The following SERPIND1 variants were observed in gnomAD, a reference collection of about 807,000 sequenced individuals.
SERPIND1 encodes heparin cofactor 2.
SERPIND1 carries 34 observed loss-of-function variants against 35.0 expected under a neutral mutation model. That is an observed-to-expected ratio of 0.97 (90% CI 0.74 to 1.29). The LOEUF (loss-of-function observed/expected upper bound fraction) is 1.29. SERPIND1 is among the 50% of genes most tolerant of loss of function. The pLI is 0.00. For synonymous variants in SERPIND1, 236 were observed against 241.1 expected (o/e 0.98, Z 0.19); for missense variants, 633 against 637.7 (o/e 0.99, Z 0.08).
In SERPIND1 at chr22:20,786,066, T is replaced by A. The variant is rs1345010823; in HGVS notation, c.1226T>A (p.Leu409Gln). ...LEKNYNLVESLKLMGIRMLFD... is the reference protein window; with the variant it reads ...LEKNYNLVESQKLMGIRMLFD... Reference sequence around the variant, plus strand: ...AAGAACTACAATCTAGTGGAGTCCCTGAAGTTGATGGGGATCAGGATGCTG... The same window carrying A: ...AAGAACTACAATCTAGTGGAGTCCCAGAAGTTGATGGGGATCAGGATGCTG... The change falls in exon 4 of 5, where the codon CTG (leucine) becomes CAG (glutamine). Residue 409 changes from leucine (L) to glutamine (Q), a missense_variant. By Grantham distance (113) the Leu-to-Gln change is moderately radical. Coordinates refer to ENST00000215727, the MANE Select transcript of SERPIND1 (RefSeq NM_000185.4). 4 of 1,614,156 alleles carry A rather than the reference T, an allele frequency of 2.5e-6. No homozygotes were observed. The highest frequency in any genetic ancestry group is 2.5e-6 in the Non-Finnish European group (3 of 1,180,026).
intron 1 of SERPIND1, 79 bp from the exon 2 acceptor site, chr22:20,779,218 G>A: frequency 6.2e-7 from 1 of 1,604,028 alleles, no homozygotes; most frequent in Non-Finnish European, 8.5e-7. Context: ...CAAAGCCACA[G>A]GGAACCTGCC....
chr22:20,775,517 G>A (rs1933199418), intron 1 of SERPIND1, among the ~76,000 whole-genome samples: 3 of 152,198 alleles, frequency 2.0e-5, no homozygotes, highest in Admixed American at 6.5e-5. Context: ...AAACATGCAT[G>A]TCTTTACTCT....
chr22:20,775,578 G>A (rs562693740), intron 1 of SERPIND1, among the ~76,000 whole-genome samples: 3 of 152,278 alleles, frequency 2.0e-5, no homozygotes, highest in Admixed American at 6.5e-5. Flanking sequence ...ATTTATTCAA[G>A]TTGGTTTTTG....
At position 20,779,484 on chromosome 22, in the gene SERPIND1, G is replaced by A. The variant is rs199694909; in HGVS notation, c.172G>A (p.Asp58Asn). Residue 58 changes from aspartate (D) to asparagine (N), a missense_variant, in exon 2 of 5, where the codon GAC becomes AAC. By Grantham distance (23) the Asp-to-Asn change is conservative. Transcript: ENST00000215727. Reference protein sequence around the residue: ...KNLSMPLLPADFHKENTVTND... With the variant: ...KNLSMPLLPANFHKENTVTND... ...CCTGAGCATGCCTCTTCTCCCTGCC[G>A]ACTTCCACAAGGAAAACACCGTCAC... 35 of 1,613,984 alleles carry A rather than the reference G, an allele frequency of 2.2e-5. 1 individual carries two copies. Among genetic ancestry groups the A allele is most frequent in the South Asian group, 2.1e-4 (19 of 91,088 alleles).
At chr22:20,784,319 CA>C (rs1234116597) in intron 3 of SERPIND1, 74 bp downstream of exon 3, 29 of 1,594,692 alleles carry the variant, frequency 1.8e-5, no homozygotes, top group Non-Finnish European at 2.3e-5. Flanking sequence ...GAAAATGGAT[CA>C]TTTTTTTAAA....
intron 4 of SERPIND1, 27 bp downstream of exon 4, chr22:20,786,175 C>A (rs1293056952): frequency 6.2e-7 from 1 of 1,613,046 alleles, no homozygotes; most frequent in African/African-American, 1.3e-5. Flanking sequence ...CCACCCCCGA[C>A]CCGTCCCCAG....
At chr22:20,786,774 T>C (rs747063293) in intron 4 of SERPIND1, 101 bp from the exon 5 acceptor site, 26 of 1,188,546 alleles carry the variant, frequency 2.2e-5, no homozygotes, top group Non-Finnish European at 3.0e-5. Context: ...ACCTTACATG[T>C]TGTCTTTGGA....
At chr22:20,783,902 C>T in intron 2 of SERPIND1, 70 bp from the exon 3 acceptor site, 1 of 1,600,020 alleles carries the variant, frequency 6.2e-7, no homozygotes, top group Non-Finnish European at 8.6e-7. Context: ...AAATCAGATT[C>T]ACTCTCAAGG....
At position 20,779,965 on chromosome 22, in the gene SERPIND1, T is replaced by G. The variant is rs1205335488; in HGVS notation, c.653T>G (p.Leu218Arg). The G allele has an allele frequency of 6.2e-7, 1 of 1,614,226 alleles. No individual in the cohort carries two copies. ...TTCAGGAGGAATTTTGGGTACACAC[T>G]GCGGTCAGTCAATGACCTTTATATC... is the stretch of plus-strand genomic sequence containing the variant. ...RLFRRNFGYTLRSVNDLYIQK... is the reference protein window; with the variant it reads ...RLFRRNFGYTRRSVNDLYIQK... Residue 218 changes from leucine (L) to arginine (R), a missense_variant, in exon 2 of 5, where the codon CTG becomes CGG. Leu to Arg is a moderately radical substitution (Grantham distance 102, BLOSUM62 -2). Transcript: ENST00000215727.
At chr22:20,775,688 C>G (rs1398177865) in intron 1 of SERPIND1, among the ~76,000 whole-genome samples, 2 of 152,082 alleles carry the variant, frequency 1.3e-5, no homozygotes, top group Admixed American at 1.3e-4. Flanking sequence ...TGAGGTCTTG[C>G]TATGTTGCTC....
intron 2 of SERPIND1, among the ~76,000 whole-genome samples, chr22:20,780,724 C>T (rs1569025210): frequency 1.4e-5 from 2 of 142,792 alleles, no homozygotes; most frequent in Admixed American, 7.5e-5. Flanking sequence ...TGCAGTGAGC[C>T]GAGACTGTGC....
rs1354000033 is a variant in SERPIND1 at position 20,783,981 on chromosome 22, T to C, written c.899T>C (p.Val300Ala). 6.2e-7 allele frequency: 1 copy of C among 1,614,160 alleles called. No individual in the cohort carries two copies. Among genetic ancestry groups the C allele is most frequent in the Non-Finnish European group, 8.5e-7 (1 of 1,180,032 alleles). The change falls in exon 3 of 5, where the codon GTG becomes GCG. Residue 300 changes from valine to alanine, a missense_variant. Val to Ala is a moderately conservative substitution (Grantham distance 64). Transcript: ENST00000215727. ...CCTGTGGCCTTTACAGGATCCTGGG[T>C]GAATAAATTCCCAGTGGAAATGACA... ...LNCIYFKGSW[V>A]NKFPVEMTHN... is the part of the protein sequence containing the mutation.
At chr22:20,784,383 T>G (rs550128014) in intron 3 of SERPIND1, 138 bp downstream of exon 3, 8 of 1,168,184 alleles carry the variant, frequency 6.8e-6, no homozygotes, top group Non-Finnish European at 9.8e-6. Context: ...GCCACTCTGT[T>G]AATTCAGCCC....
intron 1 of SERPIND1, among the ~76,000 whole-genome samples, chr22:20,777,043 GTT>G (rs362134): frequency 6.7e-6 from 1 of 148,538 alleles, no homozygotes; most frequent in African/African-American, 2.5e-5. Flanking sequence ...GTTTTTTTTT[GTT>G]TTTTTTTTGT....
chr22:20,780,555 G>A (rs1051187620), intron 2 of SERPIND1, among the ~76,000 whole-genome samples: 5 of 152,074 alleles, frequency 3.3e-5, no homozygotes, highest in Non-Finnish European at 5.9e-5. Context: ...ATCACTTGAG[G>A]TCAGGAGTTC....
At position 20,783,844 on chromosome 22, in the gene SERPIND1, G is replaced by A. The variant is rs551542499; in HGVS notation, c.890-128G>A. 150 of 1,257,752 alleles carry A rather than the reference G, an allele frequency of 1.2e-4. 3 individuals carry two copies. In the South Asian group the frequency reaches 1.8e-3, roughly 15 times the overall value. 77.9% of individuals were successfully genotyped at this position (1,257,752 alleles called of 1,614,324 possible). A position where few individuals can be genotyped will look rare whatever the true frequency, so the allele number is the denominator to read the frequency against. On this transcript the variant is annotated intron_variant, in intron 2 of 4. Transcript: ENST00000215727. ...GCCCAAATCAGGCCTCAGGAATCAA[G>A]AGACTGTGGGGTCGGCTCTGCAGGC...
At position 20,786,986 on chromosome 22, in the gene SERPIND1, C is replaced by G. The variant is rs977469414; in HGVS notation, c.1420C>G (p.Pro474Ala). ...STQVRFTVDR[P>A]FLFLIYEHRT... is the part of the protein sequence containing the mutation. ...CCAAGTCCGCTTCACTGTCGACCGC[C>G]CCTTTCTTTTCCTCATCTACGAGCA... Residue 474 changes from proline to alanine, a missense_variant, in exon 5 of 5, where the codon CCC becomes GCC. By Grantham distance (27) the Pro-to-Ala change is conservative. Transcript: ENST00000215727. 3 of 1,614,166 alleles carry G rather than the reference C, an allele frequency of 1.9e-6. No individual in the cohort carries two copies. In the South Asian group the frequency reaches 3.3e-5, roughly 18 times the overall value.
At chr22:20,783,891 G>A in intron 2 of SERPIND1, 81 bp from the exon 3 acceptor site, 1 of 1,594,934 alleles carries the variant, frequency 6.3e-7, no homozygotes, top group South Asian at 1.1e-5. Context: ...GGCCTCCAGG[G>A]AAATCAGATT....
intron 4 of SERPIND1, 22 bp from the exon 5 acceptor site, chr22:20,786,853 G>T: frequency 1.2e-6 from 2 of 1,613,858 alleles, no homozygotes; most frequent in Non-Finnish European, 1.7e-6. Flanking sequence ...TCCAGAATCT[G>T]ACAACTTTCC....
Sources: allele counts gnomAD v4.1 joint callset (sites outside exome capture counted in the v4.1 genomes callset), GRCh38; gene constraint gnomAD v4.1.1; transcripts MANE v1.5; gene names NCBI Gene and HGNC (gene_info 2026-07-23, HGNC 2026-07-21).